SBF2: variants seen among roughly 807,000 people sequenced by gnomAD.
SBF2 encodes myotubularin-related protein 13.
SBF2 carries 112 observed loss-of-function variants against 225.2 expected under a neutral mutation model. The ratio of observed to expected loss-of-function variants is 0.50; its 90% confidence interval spans 0.43 to 0.58. The LOEUF (loss-of-function observed/expected upper bound fraction) is 0.58. Among genes scored for constraint, SBF2 ranks in the 20% least tolerant of loss-of-function variants. The pLI is 0.00. For missense variants in SBF2, 1,996 were observed against 2,206.2 expected, an observed-to-expected ratio of 0.90 and a Z score of 1.91; for synonymous variants, 763 against 773.3, an observed-to-expected ratio of 0.99 and a Z score of 0.22.
intron 6 of SBF2, among the ~76,000 whole-genome samples, chr11:10,013,284 G>C (rs145022333): frequency 3.9e-5 from 6 of 152,232 alleles, no homozygotes; most frequent in African/African-American, 1.4e-4. Flanking sequence ...ATGGGTTTTA[G>C]CCCTCCATCC....
At chr11:9,877,975 G>A (rs61876915) in intron 17 of SBF2, among the ~76,000 whole-genome samples, 33,414 of 152,032 alleles carry the variant, frequency 0.22, 4,385 homozygotes, top group Non-Finnish European at 0.29. Context: ...TCACCACACT[G>A]TCTTCCACAA....
At position 10,303,205 on chromosome 11, in the gene SBF2, T is replaced by G. The variant is rs980832143; in HGVS notation, n.386+1287A>C. 2 of 152,154 alleles carry G rather than the reference T, an allele frequency of 1.3e-5. No individual in the cohort carries two copies. Among genetic ancestry groups the G allele is most frequent in the African/African-American group, 4.8e-5 (2 of 41,408 alleles). 9.4% of individuals were successfully genotyped at this position (152,154 alleles called of 1,614,324 possible). ...GGACTAGTCGCCCGGCCAGGCCACT[T>G]CGGTGACTGCCCTGCGCCCAGCCGG... is the stretch of plus-strand genomic sequence containing the variant. On this transcript the variant is annotated intron_variant and non_coding_transcript_variant, in intron 1 of 5. Coordinates refer to the SBF2 transcript ENST00000685217. This position sits in a 1 kb window ranked among gnomAD's most constrained non-coding sequence, Gnocchi z 5.2.
At chr11:10,115,940 GCAGATCAC>G (rs2135030948) in intron 2 of SBF2, among the ~76,000 whole-genome samples, 1 of 152,248 alleles carries the variant, frequency 6.6e-6, no homozygotes, top group East Asian at 1.9e-4. Context: ...GCCGAGGCAG[GCAGATCAC>G]GAGGTCAGGA....
At chr11:10,179,396 A>C (rs554773341) in intron 2 of SBF2, among the ~76,000 whole-genome samples, 1 of 150,274 alleles carries the variant, frequency 6.7e-6, no homozygotes, top group African/African-American at 2.4e-5. Context: ...ACAAAAAAAA[A>C]CAAAAACAAA....
chr11:9,943,075 G>A (rs1009013770), intron 16 of SBF2, among the ~76,000 whole-genome samples: 1 of 152,066 alleles, frequency 6.6e-6, no homozygotes, highest in Non-Finnish European at 1.5e-5. Context: ...ATCCTGAATG[G>A]AGTCACATAT....
At chr11:10,195,146 G>C (rs956414560) in intron 1 of SBF2, among the ~76,000 whole-genome samples, 3 of 152,096 alleles carry the variant, frequency 2.0e-5, no homozygotes, top group African/African-American at 7.2e-5. Flanking sequence ...ACTTCTTTGG[G>C]GGAATGGGGA....
chr11:9,787,794 C>T, intron 35 of SBF2, 56 bp from the exon 36 acceptor site: 1 of 1,444,408 alleles, frequency 6.9e-7, no homozygotes, highest in South Asian at 1.2e-5. Flanking sequence ...AGGATGGGCC[C>T]CAAAGCCACA....
chr11:10,032,326 C>CGCTGTG (rs1451303871), intron 3 of SBF2, among the ~76,000 whole-genome samples: 1 of 152,162 alleles, frequency 6.6e-6, no homozygotes, highest in Admixed American at 6.5e-5. Context: ...GCTACCATAA[C>CGCTGTG]GCTGTGAGCT....
At chr11:10,206,686 A>C (rs752802562) in intron 1 of SBF2, among the ~76,000 whole-genome samples, 7 of 152,176 alleles carry the variant, frequency 4.6e-5, no homozygotes, top group Non-Finnish European at 7.3e-5. Flanking sequence ...CTAAAAAATA[A>C]AATATCCAAA....
chr11:10,194,050 ACTC>A (rs1437530263), intron 1 of SBF2, 63 bp from the exon 2 acceptor site: 126 of 1,024,384 alleles, frequency 1.2e-4, no homozygotes, highest in Non-Finnish European at 1.6e-4. Flanking sequence ...TACTCATTCT[ACTC>A]TTACTTATTT....
chr11:9,944,691 T>A (rs1267176690), intron 16 of SBF2, among the ~76,000 whole-genome samples: 2 of 152,216 alleles, frequency 1.3e-5, no homozygotes, highest in African/African-American at 4.8e-5. Context: ...CAGTCCATGT[T>A]CAAGGATTCG....
intron 2 of SBF2, among the ~76,000 whole-genome samples, chr11:10,154,136 T>C (rs944855100): frequency 1.3e-5 from 2 of 151,160 alleles, no homozygotes; most frequent in Admixed American, 1.3e-4. Flanking sequence ...CTTTTCAAAG[T>C]TGTTTTGCCT....
chr11:9,840,099 C>T (rs975063277), intron 25 of SBF2, among the ~76,000 whole-genome samples: 59 of 151,844 alleles, frequency 3.9e-4, no homozygotes, highest in African/African-American at 1.4e-3. Flanking sequence ...CCAGGTGTGG[C>T]GGCAGGCACC....
chr11:9,897,243 ATTT>A (rs113103052), intron 16 of SBF2, among the ~76,000 whole-genome samples: 1 of 148,724 alleles, frequency 6.7e-6, no homozygotes. Flanking sequence ...ATGTTAGATA[ATTT>A]TTTTTTTTGA....
chr11:10,042,755 C>A (rs538180576), intron 3 of SBF2, 89 bp downstream of exon 3: 1 of 1,401,808 alleles, frequency 7.1e-7, no homozygotes, highest in East Asian at 2.3e-5. Flanking sequence ...AAAACTCAAA[C>A]TTGCAGTTGT....
intron 13 of SBF2, 46 bp from the exon 14 acceptor site, chr11:9,968,591 A>G (rs984129971): frequency 3.4e-6 from 5 of 1,476,160 alleles, no homozygotes; most frequent in East Asian, 2.3e-5. Context: ...TAAAATAACA[A>G]TGGCAGATCA....
At chr11:9,925,996 G>A (rs1864011275) in intron 16 of SBF2, among the ~76,000 whole-genome samples, 1 of 152,170 alleles carries the variant, frequency 6.6e-6, no homozygotes, top group African/African-American at 2.4e-5. Flanking sequence ...ATAGATAAAA[G>A]AGAGAACAGT....
At position 9,961,995 on chromosome 11, in the gene SBF2, A is replaced by C. The variant is rs2134363226; in HGVS notation, c.1822T>G (p.Phe608Val). ...TTCATCATCCTTATTATGTAGTCAA[A>C]CTGTTGATGGTCTAATATTGCCCGG... ...QNRAILDHQQ[F>V]DYIIRMMNCT... Residue 608 changes from phenylalanine to valine, a missense_variant, in exon 16 of 40, where the codon TTT becomes GTT. Coordinates refer to ENST00000256190, the MANE Select transcript of SBF2 (RefSeq NM_030962.4). The C allele has an allele frequency of 3.1e-6, 5 of 1,614,060 alleles. No individual in the cohort carries two copies. Among genetic ancestry groups the C allele is most frequent in the Non-Finnish European group, 4.2e-6 (5 of 1,179,914 alleles).
At chr11:10,090,332 T>G (rs1207456809) in intron 2 of SBF2, among the ~76,000 whole-genome samples, 2 of 152,194 alleles carry the variant, frequency 1.3e-5, no homozygotes, top group Non-Finnish European at 2.9e-5. Flanking sequence ...AAAGGTATAT[T>G]TTATGTTATA....
Sources: gnomAD v4.1 joint callset for allele counts (sites outside exome capture counted in the v4.1 genomes callset) on GRCh38, gnomAD v4.1.1 for gene constraint, Gnocchi (gnomAD v3.1) non-coding constraint, MANE v1.5 for transcripts, NCBI Gene and HGNC (gene_info 2026-07-23, HGNC 2026-07-21) for gene names.